Variants in SRRM4 observed in about 807,000 individuals in gnomAD.
SRRM4 encodes serine/arginine repetitive matrix 4, also known as serine/arginine repetitive matrix protein 4.
Under a neutral mutation model 68.9 loss-of-function variants are expected in SRRM4, and 33 were observed. The ratio of observed to expected loss-of-function variants is 0.48; its 90% CI spans 0.36 to 0.64. The LOEUF (loss-of-function observed/expected upper bound fraction) is 0.64. Among genes scored for constraint, SRRM4 ranks in the 30% least tolerant of loss-of-function variants. The pLI is 0.00. For synonymous variants in SRRM4, 318 were observed against 318.8 expected, an observed-to-expected ratio of 1.00 and a Z score of 0.03; for missense variants, 817 against 827.1, an observed-to-expected ratio of 0.99 and a Z score of 0.15.
intron 1 of SRRM4, among the ~76,000 whole-genome samples, chr12:119,101,223 A>C (rs34397945): frequency 0.21 from 32,255 of 152,072 alleles, 4,118 homozygotes; most frequent in Non-Finnish European, 0.28. Flanking sequence ...TCTGCGTGTC[A>C]CCAAATACGC....
At chr12:119,147,713 T>C (rs992341070) in intron 9 of SRRM4, among the ~76,000 whole-genome samples, 1 of 152,190 alleles carries the variant, frequency 6.6e-6, no homozygotes, top group Non-Finnish European at 1.5e-5. Flanking sequence ...GATTTCTCCA[T>C]TTTTTTACCC....
chr12:119,119,513 C>T lies in SRRM4; in HGVS notation c.438-737C>T, dbSNP rs138820256. The stretch of plus-strand genomic sequence containing the variant: ...CTCAGAAAATGTTACAAGGAGAAGA[C>T]GGCCTCCAACTGGAGCACTGAAGAA... On this transcript the variant is annotated intron_variant, in intron 4 of 12. Coordinates refer to ENST00000267260, the MANE Select transcript of SRRM4 (RefSeq NM_194286.4). 4.1e-3 allele frequency among the ~76,000 whole-genome samples: 618 copies of T among 151,664 alleles called. 3 individuals carry two copies. The highest frequency in any genetic ancestry group is 0.014 in the African/African-American group (578 of 41,358).
intron 7 of SRRM4, among the ~76,000 whole-genome samples, chr12:119,128,813 C>T (rs1378108164): frequency 1.3e-5 from 2 of 152,206 alleles, no homozygotes; most frequent in Non-Finnish European, 2.9e-5. Flanking sequence ...TCATACAAGG[C>T]TTTAGCAACT....
rs182882168 is a variant in SRRM4, at chr12:119,003,447, A to G, written c.131+21434A>G. On this transcript the variant is annotated intron_variant, in intron 1 of 12. Transcript: ENST00000267260. ...CAGCAACTGCGTAGATTGCTGTAAA[A>G]AATGAGGGCAATTTTATACATGTTT... is the stretch of plus-strand genomic sequence containing the variant. Among the ~76,000 whole-genome samples, 382 of 152,028 alleles carry G rather than the reference A, an allele frequency of 2.5e-3. 4 individuals carry two copies. The highest frequency in any genetic ancestry group is 8.7e-3 in the African/African-American group (360 of 41,554).
chr12:119,055,419 T>A (rs1391055865), intron 1 of SRRM4, among the ~76,000 whole-genome samples: 1 of 152,022 alleles, frequency 6.6e-6, no homozygotes, highest in African/African-American at 2.4e-5. Context: ...AGGGTTTCCA[T>A]AAGAAGCATA....
At chr12:119,120,891 T>C (rs546313035) in intron 5 of SRRM4, among the ~76,000 whole-genome samples, 1 of 152,274 alleles carries the variant, frequency 6.6e-6, no homozygotes, top group African/African-American at 2.4e-5. Context: ...CAAACCCAAA[T>C]CTGTAGACAG....
chr12:119,148,772 A>G (rs1386843741), intron 9 of SRRM4, among the ~76,000 whole-genome samples: 1 of 152,262 alleles, frequency 6.6e-6, no homozygotes, highest in Non-Finnish European at 1.5e-5. Flanking sequence ...GGACAGCCAA[A>G]TTAAGTAATT....
chr12:119,125,853 G>A (rs1056013634), intron 7 of SRRM4, among the ~76,000 whole-genome samples: 1 of 151,154 alleles, frequency 6.6e-6, no homozygotes, highest in Non-Finnish European at 1.5e-5. Context: ...CCCAGGAGAT[G>A]GTGGTTGTGG....
intron 1 of SRRM4, among the ~76,000 whole-genome samples, chr12:118,982,675 TTTTG>T (rs760231875): frequency 3.6e-4 from 34 of 94,760 alleles, no homozygotes; most frequent in East Asian, 2.9e-3. Context: ...TTTTGTTTTT[TTTTG>T]TTTTTTTTTT....
chr12:119,015,952 A>G (rs1953478473), intron 1 of SRRM4, among the ~76,000 whole-genome samples: 1 of 152,168 alleles, frequency 6.6e-6, no homozygotes, highest in South Asian at 2.1e-4. Context: ...CCCACCAAGA[A>G]CCTTTGAATG....
intron 1 of SRRM4, among the ~76,000 whole-genome samples, chr12:118,985,291 A>T (rs1171792448): frequency 6.6e-6 from 1 of 152,180 alleles, no homozygotes; most frequent in African/African-American, 2.4e-5. Context: ...GGGGTTGGGG[A>T]TAATAAATAA....
intron 2 of SRRM4, among the ~76,000 whole-genome samples, chr12:119,104,492 TTAATTA>T (rs1954095524): frequency 6.6e-6 from 1 of 150,562 alleles, no homozygotes; most frequent in Non-Finnish European, 1.5e-5. Flanking sequence ...TATTTAATAA[TTAATTA>T]TAATTATAAT....
At position 119,022,152 on chromosome 12, in the gene SRRM4, G is replaced by A. The variant is rs147810487; in HGVS notation, c.131+40139G>A. Among the ~76,000 whole-genome samples the A allele has an allele frequency of 8.2e-3, 1,248 of 151,806 alleles. 21 individuals are homozygous for A. The highest frequency in any genetic ancestry group is 0.029 in the African/African-American group (1,181 of 41,334). ...TGTAACAAACCTGCACATTCTGCCC[G>A]TATCCTGGAACTTAAAATAAAATTT... On this transcript the variant is annotated intron_variant, in intron 1 of 12. Coordinates refer to ENST00000267260, the MANE Select transcript of SRRM4 (RefSeq NM_194286.4).
intron 1 of SRRM4, among the ~76,000 whole-genome samples, chr12:119,084,424 T>C (rs1953967727): frequency 6.6e-6 from 1 of 152,188 alleles, no homozygotes; most frequent in African/African-American, 2.4e-5. Flanking sequence ...CATCTGCCCT[T>C]CAGTACCTGC....
At chr12:119,122,829 G>A (rs1954231244) in intron 6 of SRRM4, among the ~76,000 whole-genome samples, 2 of 152,200 alleles carry the variant, frequency 1.3e-5, no homozygotes, top group Non-Finnish European at 2.9e-5. Flanking sequence ...GCACGTGTGT[G>A]AGCATGTGTA....
In SRRM4 at chr12:119,045,689, A is replaced by G. The variant is rs76044411; in HGVS notation, c.132-56547A>G. 5.2e-3 allele frequency among the ~76,000 whole-genome samples: 790 copies of G among 152,214 alleles called. 3 individuals are homozygous for G. Among genetic ancestry groups the G allele is most frequent in the African/African-American group, 0.017 (694 of 41,524 alleles). The stretch of plus-strand genomic sequence containing the variant: ...AACCGTAAGATGCATGGCACAGCTA[A>G]TGAGCTGTAATTCTGAAGAGCTTCT... On this transcript the variant is annotated intron_variant, in intron 1 of 12. Transcript: ENST00000267260.
At position 119,130,762 on chromosome 12, in the gene SRRM4, C is replaced by T. The variant is rs757617043; in HGVS notation, c.699C>T (p.Ser233=). ...GCTCCAAGACCCTCTGCAAGGACAGCCCTGAGGCCCAGTCCAGTCGCCCGC... is the reference window on the plus strand; with the variant it reads ...GCTCCAAGACCCTCTGCAAGGACAGTCCTGAGGCCCAGTCCAGTCGCCCGC... ...RRCSKTLCKD[S]PEAQSSRPPS... is the part of the protein sequence containing the mutation. Residue 233 remains serine (S), a synonymous_variant, in exon 8 of 13, where the codon AGC becomes AGT. Coordinates refer to ENST00000267260, the MANE Select transcript of SRRM4 (RefSeq NM_194286.4). 7 of 1,610,496 alleles carry T rather than the reference C, an allele frequency of 4.3e-6. No homozygotes were observed. The highest frequency in any genetic ancestry group is 5.9e-6 in the Non-Finnish European group (7 of 1,179,828).
Position 119,151,051 on chromosome 12 carries a change from G to A in SRRM4, c.1111G>A (p.Val371Met), listed in dbSNP as rs576460857. The change falls in exon 10 of 13, where the codon GTG becomes ATG. Residue 371 changes from valine (V) to methionine (M), a missense_variant. Physicochemically the swap from Val to Met is conservative, Grantham distance 21 (BLOSUM62 1). Transcript: ENST00000267260. ...GTCACCGTGTCTGGAATGTGCCGAAGTGAAGAAGTCCAGTTTGGTCCCATC... is the reference window on the plus strand; with the variant it reads ...GTCACCGTGTCTGGAATGTGCCGAAATGAAGAAGTCCAGTTTGGTCCCATC... ...FQSPCLECAE[V>M]KKSSLVPSTA... 1.2e-6 allele frequency: 2 copies of A among 1,614,000 alleles called. No homozygotes were observed. The highest frequency in any genetic ancestry group is 1.1e-5 in the South Asian group (1 of 91,084).
intron 1 of SRRM4, among the ~76,000 whole-genome samples, chr12:119,017,918 T>C (rs1436442982): frequency 6.6e-6 from 1 of 152,206 alleles, no homozygotes; most frequent in African/African-American, 2.4e-5. Flanking sequence ...CTGCCACATA[T>C]GGGATATGTT....
Sources: gnomAD v4.1 joint callset for allele counts (sites outside exome capture counted in the v4.1 genomes callset) on GRCh38, gnomAD v4.1.1 for gene constraint, MANE v1.5 for transcripts, NCBI Gene and HGNC (gene_info 2026-07-23, HGNC 2026-07-21) for gene names.